The following ZNF79 variants were observed in gnomAD, a reference collection of about 807,000 sequenced individuals.
ZNF79 encodes zinc finger protein 79, also known as ZNFpT7.
In ZNF79, 13 loss-of-function variants were observed where a neutral mutation model predicts 14.9. The observed-to-expected ratio is 0.87, with a 90% CI of 0.57 to 1.38. The LOEUF (loss-of-function observed/expected upper bound fraction) is 1.38. Among genes scored for constraint, ZNF79 ranks in the 40% most tolerant of loss-of-function variants. ZNF79 has a pLI of 0.00. For missense variants in ZNF79, 631 were observed against 630.6 expected (o/e 1.00, Z -0.01); for synonymous variants, 223 against 235.1 (o/e 0.95, Z 0.47).
chr9:127,442,650 C>G (rs1432973667), intron 4 of ZNF79, among the ~76,000 whole-genome samples: 1 of 151,828 alleles, frequency 6.6e-6, no homozygotes, highest in Non-Finnish European at 1.5e-5. Flanking sequence ...ATCCCTTGAG[C>G]CCAGGAGTTT....
intron 4 of ZNF79, among the ~76,000 whole-genome samples, chr9:127,437,710 G>A (rs867260376): frequency 5.3e-5 from 8 of 151,218 alleles, no homozygotes; most frequent in South Asian, 2.1e-4. Context: ...CGCAATCTTC[G>A]GCATTTGTTG....
chr9:127,435,792 A>G (rs1833936260), intron 3 of ZNF79, 116 bp from the exon 4 acceptor site: 1 of 803,268 alleles, frequency 1.2e-6, no homozygotes, highest in South Asian at 1.5e-5. Context: ...CTCAATAAGG[A>G]TTTGTTGGCT....
chr9:127,428,507 A>G (rs969547738), intron 1 of ZNF79: 5 of 225,114 alleles, frequency 2.2e-5, no homozygotes, highest in African/African-American at 9.2e-5. Context: ...TTTAATCTTC[A>G]CAGCAGATTA....
chr9:127,435,307 G>A (rs1470721046), intron 3 of ZNF79, 91 bp downstream of exon 3: 3 of 1,400,654 alleles, frequency 2.1e-6, no homozygotes, highest in Admixed American at 2.8e-5. Flanking sequence ...TCTGACTGGT[G>A]TGATGTACCA....
chr9:127,424,752 A>G lies in ZNF79; in HGVS notation c.-36A>G. 1 of 1,613,502 alleles carries G rather than the reference A, an allele frequency of 6.2e-7. No homozygotes were observed. Among genetic ancestry groups the G allele is most frequent in the African/African-American group, 1.3e-5 (1 of 74,958 alleles). On this transcript the variant is annotated 5_prime_UTR_variant, in exon 1 of 5. Transcript: ENST00000342483. ...TGTAGATAGACCCTTACGCCCAGAG[A>G]ACTGCTGGGAGGCTGTGGCGCGAGG...
At chr9:127,427,471 G>A (rs1833780032) in intron 1 of ZNF79, among the ~76,000 whole-genome samples, 3 of 149,200 alleles carry the variant, frequency 2.0e-5, no homozygotes, top group South Asian at 2.1e-4. Context: ...TATGTGCTAC[G>A]CCAGCATTTC....
chr9:127,434,417 C>G (rs569735616), intron 2 of ZNF79, among the ~76,000 whole-genome samples: 1 of 152,240 alleles, frequency 6.6e-6, no homozygotes, highest in Admixed American at 6.5e-5. Context: ...ATAATTTGTA[C>G]CTGATTCTTC....
In ZNF79 at chr9:127,424,695, A is replaced by T. The variant is rs889893166; in HGVS notation, c.-93A>T. 1 of 1,591,880 alleles carries T rather than the reference A, an allele frequency of 6.3e-7. No individual in the cohort carries two copies. The highest frequency in any genetic ancestry group is 8.6e-7 in the Non-Finnish European group (1 of 1,165,294). On this transcript the variant is annotated 5_prime_UTR_variant, in exon 1 of 5. Transcript: ENST00000342483. Reference sequence around the variant, plus strand: ...GGAAGAGTCCGGCCTGGGAGCCGTCAGAGCAGCCCTGCAGAACGGGGTGGG... The same window carrying T: ...GGAAGAGTCCGGCCTGGGAGCCGTCTGAGCAGCCCTGCAGAACGGGGTGGG...
In ZNF79 at chr9:127,444,370, A is replaced by G; in HGVS notation, c.670A>G (p.Ser224Gly). The G allele has an allele frequency of 6.2e-7, 1 of 1,612,646 alleles. No individual in the cohort carries two copies. The highest frequency in any genetic ancestry group is 8.5e-7 in the Non-Finnish European group (1 of 1,178,788). ...CACTGGAGAGAAGCCCTATGAGTGC[A>G]GTGAATGTGGGAAGGCCTTCAGCCA... is the stretch of plus-strand genomic sequence containing the variant. ...SHTGEKPYECSECGKAFSQSS... is the reference protein window; with the variant it reads ...SHTGEKPYECGECGKAFSQSS... The change falls in exon 5 of 5, where the codon AGT becomes GGT. Residue 224 changes from serine to glycine, a missense_variant. Coordinates refer to ENST00000342483, the MANE Select transcript of ZNF79 (RefSeq NM_007135.3).
intron 4 of ZNF79, among the ~76,000 whole-genome samples, chr9:127,442,827 G>A (rs1415523945): frequency 6.6e-6 from 1 of 151,776 alleles, no homozygotes; most frequent in Non-Finnish European, 1.5e-5. Flanking sequence ...GTGCCACCAT[G>A]CTTCAGCCTG....
intron 4 of ZNF79, among the ~76,000 whole-genome samples, chr9:127,437,060 TAAA>T (rs769977106): frequency 8.1e-6 from 1 of 123,788 alleles, no homozygotes; most frequent in African/African-American, 3.0e-5. Context: ...AACTCTGTCT[TAAA>T]AAAAAAAAAA....
At position 127,444,569 on chromosome 9, in the gene ZNF79, C is replaced by G; in HGVS notation, c.869C>G (p.Ser290Ter). ...SECEKAFSDC[S>*]ALVQHQRIHT... Reference sequence around the variant, plus strand: ...TGTGAGAAAGCCTTCAGTGACTGCTCAGCTCTTGTTCAGCATCAGAGAATT... The same window carrying G: ...TGTGAGAAAGCCTTCAGTGACTGCTGAGCTCTTGTTCAGCATCAGAGAATT... The change falls in exon 5 of 5, where the codon TCA (serine) becomes TGA (stop). Residue 290 changes from serine to a stop codon, truncating the protein, a stop_gained. Transcript: ENST00000342483. LOFTEE classifies it low-confidence loss of function (END_TRUNC). 1 of 1,614,142 alleles carries G rather than the reference C, an allele frequency of 6.2e-7. No homozygotes were observed. The highest frequency in any genetic ancestry group is 8.5e-7 in the Non-Finnish European group (1 of 1,180,012).
At position 127,444,341 on chromosome 9, in the gene ZNF79, G is replaced by A. The variant is rs1053855712; in HGVS notation, c.641G>A (p.Ser214Asn). Residue 214 changes from serine (S) to asparagine (N), a missense_variant, in exon 5 of 5, where the codon AGC (serine) becomes AAC (asparagine). Coordinates refer to ENST00000342483, the MANE Select transcript of ZNF79 (RefSeq NM_007135.3). ...TCTTCCCTTTCTCAGCATCAGAAGA[G>A]CCACACTGGAGAGAAGCCCTATGAG... ...YCSSLSQHQK[S>N]HTGEKPYECS... The A allele has an allele frequency of 6.2e-7, 1 of 1,613,958 alleles. No homozygotes were observed. Among genetic ancestry groups the A allele is most frequent in the Non-Finnish European group, 8.5e-7 (1 of 1,179,906 alleles).
rs1834114925 is a variant in ZNF79 at position 127,444,433 on chromosome 9, G to A, written c.733G>A (p.Gly245Arg). ...CATTCAGCACCAGAGGATTCACACT[G>A]GAGAGAAGCCTTACAAGTGCAGTGA... ...SLIQHQRIHT[G>R]EKPYKCSECG... The change falls in exon 5 of 5, where the codon GGA (glycine) becomes AGA (arginine). Residue 245 changes from glycine to arginine, a missense_variant. Gly to Arg is a moderately radical substitution (Grantham distance 125, BLOSUM62 -2). Coordinates refer to ENST00000342483, the MANE Select transcript of ZNF79 (RefSeq NM_007135.3). 1 of 1,613,756 alleles carries A rather than the reference G, an allele frequency of 6.2e-7. No individual in the cohort carries two copies. Among genetic ancestry groups the A allele is most frequent in the Non-Finnish European group, 8.5e-7 (1 of 1,179,796 alleles).
intron 1 of ZNF79, among the ~76,000 whole-genome samples, chr9:127,427,246 C>T (rs1032299334): frequency 6.8e-6 from 1 of 146,274 alleles, no homozygotes; most frequent in African/African-American, 2.5e-5. Context: ...GGTGAAACCC[C>T]GTCTACTAAA....
At chr9:127,427,252 CTAAAAAAAAA>C (rs1213106021) in intron 1 of ZNF79, among the ~76,000 whole-genome samples, 14 of 127,402 alleles carry the variant, frequency 1.1e-4, no homozygotes, top group Admixed American at 3.6e-4. Context: ...ACCCCGTCTA[CTAAAAAAAAA>C]AAAAAAAAAA....
chr9:127,424,634 G>T lies in ZNF79; in HGVS notation c.-154G>T. On this transcript the variant is annotated 5_prime_UTR_variant, in exon 1 of 5. In the 5' UTR this introduces an upstream ATG that the reference lacks. Coordinates refer to ENST00000342483, the MANE Select transcript of ZNF79 (RefSeq NM_007135.3). The stretch of plus-strand genomic sequence containing the variant: ...ACAGCTCCCGCGACCCAGCACCGCA[G>T]GATCAGACCGTGCCTCTGCGGGGAG... 1 of 1,210,746 alleles carries T rather than the reference G, an allele frequency of 8.3e-7. No homozygotes were observed. The allele number at this position is 1,210,746 out of a possible 1,614,324, so 75.0% of individuals were successfully genotyped here. A position where few individuals can be genotyped will look rare whatever the true frequency, so the allele number is the denominator to read the frequency against.
At position 127,424,717 on chromosome 9, in the gene ZNF79, T is replaced by TG; in HGVS notation, c.-66dup. ...GTCAGAGCAGCCCTGCAGAACGGGG[T>TG]GGGGGCTGCTGTAGATAGACCCTTA... On this transcript the variant is annotated 5_prime_UTR_variant, in exon 1 of 5. Transcript: ENST00000342483. 1 of 1,608,336 alleles carries TG rather than the reference T, an allele frequency of 6.2e-7. No individual in the cohort carries two copies. Among genetic ancestry groups the TG allele is most frequent in the Non-Finnish European group, 8.5e-7 (1 of 1,177,484 alleles).
At chr9:127,426,031 A>G (rs1000195555) in intron 1 of ZNF79, among the ~76,000 whole-genome samples, 10 of 152,258 alleles carry the variant, frequency 6.6e-5, no homozygotes, top group Admixed American at 1.3e-4. Context: ...AAAACAGGAA[A>G]GGAAGTGCTG....
Sources: gnomAD v4.1 joint callset for allele counts (sites outside exome capture counted in the v4.1 genomes callset) on GRCh38, gnomAD v4.1.1 for gene constraint, MANE v1.5 for transcripts, NCBI Gene and HGNC (gene_info 2026-07-23, HGNC 2026-07-21) for gene names.